PPP6R3: variants seen among roughly 807,000 people sequenced by gnomAD.
PPP6R3 encodes the protein serine/threonine-protein phosphatase 6 regulatory subunit 3.
A neutral mutation model predicts 110.7 loss-of-function variants in PPP6R3; 38 were observed. The observed-to-expected ratio is 0.34, with a 90% confidence interval of 0.26 to 0.45. PPP6R3 has a LOEUF of 0.45. PPP6R3 is among the 20% of genes least tolerant of loss of function. The pLI is 1.00. For synonymous variants in PPP6R3, 369 were observed against 373.5 expected (o/e 0.99, Z 0.14); for missense variants, 870 against 1,062.4 (o/e 0.82, Z 2.52).
At position 68,603,460 on chromosome 11, in the gene PPP6R3, A is replaced by G. The variant is rs2099638068; in HGVS notation, c.2418A>G (p.Val806=). 6.2e-7 allele frequency: 1 copy of G among 1,614,212 alleles called. No homozygotes were observed. The highest frequency in any genetic ancestry group is 2.2e-5 in the East Asian group (1 of 44,882). ...TGAAGGAAACGCTCAGCCTCACTGT[A>G]GATGCCAAGACAGAGACTGCGGTCT... The part of the protein sequence containing the change: ...GGMKETLSLT[V]DAKTETAVFK... The change falls in exon 22 of 24, where the codon GTA becomes GTG. Residue 806 remains valine (V), a synonymous_variant. Transcript: ENST00000393800.
intron 1 of PPP6R3, among the ~76,000 whole-genome samples, chr11:68,499,409 G>A (rs1231812379): frequency 3.3e-5 from 5 of 152,190 alleles, no homozygotes; most frequent in African/African-American, 1.2e-4. Context: ...TGCCAGGGAT[G>A]TCTGAGTTTC....
chr11:68,513,499 A>G (rs1332010280), intron 1 of PPP6R3, among the ~76,000 whole-genome samples: 1 of 152,236 alleles, frequency 6.6e-6, no homozygotes, highest in Non-Finnish European at 1.5e-5. Context: ...ACAGCTGGAC[A>G]TAACAGACTT....
At chr11:68,574,534 G>A (rs2099522936) in intron 13 of PPP6R3, among the ~76,000 whole-genome samples, 1 of 152,132 alleles carries the variant, frequency 6.6e-6, no homozygotes, top group East Asian at 1.9e-4. Context: ...AGTATTGTGA[G>A]TGTGAAGTAC....
chr11:68,461,800 G>A (rs984544797), intron 1 of PPP6R3, among the ~76,000 whole-genome samples: 6 of 152,092 alleles, frequency 3.9e-5, no homozygotes, highest in African/African-American at 1.4e-4. Flanking sequence ...ACTTGTTGAC[G>A]GGGTGGTGTC....
chr11:68,554,185 G>T lies in PPP6R3; in HGVS notation c.659G>T (p.Arg220Leu), dbSNP rs1593041789. 2 of 1,613,290 alleles carry T rather than the reference G, an allele frequency of 1.2e-6. No individual in the cohort carries two copies. Among genetic ancestry groups the T allele is most frequent in the Non-Finnish European group, 1.7e-6 (2 of 1,179,730 alleles). Reference protein sequence around the residue: ...NASQSLCEIVRLSRDQMLQIQ... With the variant: ...NASQSLCEIVLLSRDQMLQIQ... ...TCACAATCACTTTGTGAAATTGTTCGCCTGAGCAGAGACCAGATGTTACAA... is the reference window on the plus strand; with the variant it reads ...TCACAATCACTTTGTGAAATTGTTCTCCTGAGCAGAGACCAGATGTTACAA... The change falls in exon 7 of 24, where the codon CGC becomes CTC. Residue 220 changes from arginine to leucine, a missense_variant. Arg to Leu is a moderately radical substitution (Grantham distance 102, BLOSUM62 -2). Transcript: ENST00000393800.
chr11:68,583,840 T>A (rs1229728287), intron 15 of PPP6R3, among the ~76,000 whole-genome samples: 1 of 152,212 alleles, frequency 6.6e-6, no homozygotes, highest in African/African-American at 2.4e-5. Flanking sequence ...CCAGAATGCC[T>A]TGGCTTACAT....
intron 12 of PPP6R3, among the ~76,000 whole-genome samples, chr11:68,573,464 G>C (rs939864039): frequency 6.6e-6 from 1 of 151,970 alleles, no homozygotes; most frequent in South Asian, 2.1e-4. Context: ...TACGAATTAA[G>C]TGTAAAGATT....
At chr11:68,602,784 G>C (rs910800868) in intron 21 of PPP6R3, among the ~76,000 whole-genome samples, 4 of 152,146 alleles carry the variant, frequency 2.6e-5, no homozygotes, top group Non-Finnish European at 5.9e-5. Flanking sequence ...GGAAACTCAG[G>C]TTATAGATGA....
At chr11:68,590,354 G>A (rs544485941) in intron 16 of PPP6R3, among the ~76,000 whole-genome samples, 2 of 152,026 alleles carry the variant, frequency 1.3e-5, no homozygotes, top group African/African-American at 4.8e-5. Context: ...GGTTATATTA[G>A]TATGGCCCAT....
At position 68,614,135 on chromosome 11, in the gene PPP6R3, A is replaced by C. The variant is rs1594231489; in HGVS notation, c.*1018A>C. ...CGTTCATTTTACAGGCTAGTATTTT[A>C]AAAGTAGAAATCAAAATCTGGCACC... On this transcript the variant is annotated 3_prime_UTR_variant, in exon 24 of 24. Transcript: ENST00000393800. 1.0e-6 allele frequency: 1 copy of C among 986,550 alleles called. No individual in the cohort carries two copies. Among genetic ancestry groups the C allele is most frequent in the African/African-American group, 1.7e-5 (1 of 57,352 alleles). The allele number at this position is 986,550 out of a possible 1,614,324, so 61.1% of individuals were successfully genotyped here.
chr11:68,523,691 C>T (rs1183966589), intron 2 of PPP6R3, among the ~76,000 whole-genome samples: 4 of 130,218 alleles, frequency 3.1e-5, no homozygotes, highest in Admixed American at 7.7e-5. Flanking sequence ...CTTCTATTTC[C>T]TACCCATGCC....
intron 1 of PPP6R3, among the ~76,000 whole-genome samples, chr11:68,467,820 G>T (rs1260906867): frequency 6.6e-6 from 1 of 152,160 alleles, no homozygotes; most frequent in South Asian, 2.1e-4. Context: ...TGTCGCCCAG[G>T]CTGGAGTGTA....
intron 7 of PPP6R3, among the ~76,000 whole-genome samples, chr11:68,555,071 A>G (rs1267556106): frequency 3.3e-5 from 5 of 152,222 alleles, no homozygotes; most frequent in African/African-American, 2.4e-5. Flanking sequence ...TACATTACAG[A>G]CAAGTTAATG....
intron 17 of PPP6R3, among the ~76,000 whole-genome samples, chr11:68,591,103 T>G (rs1470060596): frequency 1.3e-5 from 2 of 151,918 alleles, no homozygotes; most frequent in African/African-American, 2.4e-5. Context: ...TCGTGTCACC[T>G]GAATGGAGAC....
chr11:68,564,266 A>T, intron 8 of PPP6R3, 37 bp from the exon 9 acceptor site: 1 of 1,565,228 alleles, frequency 6.4e-7, no homozygotes, highest in Non-Finnish European at 8.7e-7. Context: ...ATTTGTTCTG[A>T]AATTATAATA....
At position 68,613,168 on chromosome 11, in the gene PPP6R3, G is replaced by A; in HGVS notation, c.*51G>A. Reference sequence around the variant, plus strand: ...GAGGACTGCAGACCGCCACCACTCAGGGGCTCTGGAGGGGTCAGCTGGAGC... The same window carrying A: ...GAGGACTGCAGACCGCCACCACTCAAGGGCTCTGGAGGGGTCAGCTGGAGC... On this transcript the variant is annotated 3_prime_UTR_variant, in exon 24 of 24. Transcript: ENST00000393800. 2 of 1,610,156 alleles carry A rather than the reference G, an allele frequency of 1.2e-6. No individual in the cohort carries two copies. The highest frequency in any genetic ancestry group is 4.5e-5 in the East Asian group (2 of 44,728).
intron 21 of PPP6R3, 30 bp from the exon 22 acceptor site, chr11:68,603,312 G>A (rs1257291245): frequency 5.0e-6 from 8 of 1,612,158 alleles, no homozygotes; most frequent in African/African-American, 1.3e-5. Context: ...CGGGCTTGCT[G>A]TGTGTGACCA....
At chr11:68,538,017 T>C (rs2099279299) in intron 3 of PPP6R3, 126 bp downstream of exon 3, 1 of 727,018 alleles carries the variant, frequency 1.4e-6, no homozygotes, top group African/African-American at 1.8e-5. Context: ...TAGTCAAGAA[T>C]GACAGGCTCG....
Position 68,583,277 on chromosome 11 carries a change from G to A in PPP6R3, c.1632+148G>A, listed in dbSNP as rs114753207. 1.1e-3 allele frequency: 670 copies of A among 631,092 alleles called. 6 individuals are homozygous for A. The African/African-American group carries it at 0.012, about 11-fold the overall frequency. 39.1% of individuals were successfully genotyped at this position (631,092 alleles called of 1,614,324 possible). A position where few individuals can be genotyped will look rare whatever the true frequency, so the allele number is the denominator to read the frequency against. On this transcript the variant is annotated intron_variant, in intron 15 of 23. Coordinates refer to ENST00000393800, the MANE Select transcript of PPP6R3 (RefSeq NM_001164161.2). ...TAGACCAAAGCATTTAAAATAGGAA[G>A]TGCTGGGTAAATGAAAGATAGATTT...
Sources: allele counts gnomAD v4.1 joint callset (sites outside exome capture counted in the v4.1 genomes callset), GRCh38; gene constraint gnomAD v4.1.1; transcripts MANE v1.5; gene names NCBI Gene and HGNC (gene_info 2026-07-23, HGNC 2026-07-21).